The following SH2D4A variants were observed in gnomAD, a reference collection of about 807,000 sequenced individuals.
The protein encoded by SH2D4A is SH2 domain containing 4A.
SH2D4A carries 70 observed loss-of-function variants against 64.7 expected under a neutral mutation model. The observed-to-expected ratio is 1.08, with a 90% CI of 0.89 to 1.32. The LOEUF (loss-of-function observed/expected upper bound fraction) is 1.32. Ranked by LOEUF, SH2D4A falls within the 40% of genes most tolerant of loss-of-function variation. The pLI is 0.00. For missense variants in SH2D4A, 706 were observed against 540.1 expected (o/e 1.31, Z -3.04); for synonymous variants, 268 against 200.7 (o/e 1.34, Z -2.83).
intron 8 of SH2D4A, among the ~76,000 whole-genome samples, chr8:19,374,736 T>C (rs1009452854): frequency 1.3e-5 from 2 of 152,090 alleles, no homozygotes; most frequent in African/African-American, 4.8e-5. Flanking sequence ...TCCCCTCTCC[T>C]TCCCAGGATG....
intron 8 of SH2D4A, among the ~76,000 whole-genome samples, chr8:19,384,290 G>C (rs1464886591): frequency 6.6e-6 from 1 of 152,188 alleles, no homozygotes; most frequent in Non-Finnish European, 1.5e-5. Flanking sequence ...TGCAGGTTAA[G>C]GTTGAGCTTG....
chr8:19,378,143 T>G (rs2053227906), intron 8 of SH2D4A, among the ~76,000 whole-genome samples: 1 of 152,210 alleles, frequency 6.6e-6, no homozygotes, highest in Non-Finnish European at 1.5e-5. Flanking sequence ...TTTTTTATAT[T>G]GACCTATAGG....
chr8:19,317,302 C>CTTTTT (rs2052104753), intron 1 of SH2D4A, among the ~76,000 whole-genome samples: 1 of 121,054 alleles, frequency 8.3e-6, no homozygotes, highest in African/African-American at 3.4e-5. Context: ...ACAAGACATC[C>CTTTTT]ATTTTTTTTT....
chr8:19,341,954 G>A (rs1195755614), intron 4 of SH2D4A, among the ~76,000 whole-genome samples: 10 of 152,032 alleles, frequency 6.6e-5, no homozygotes, highest in South Asian at 6.2e-4. Flanking sequence ...AAAATCTCCC[G>A]AGGGCTGTGG....
At chr8:19,351,156 A>C (rs549688405) in intron 4 of SH2D4A, among the ~76,000 whole-genome samples, 1 of 152,344 alleles carries the variant, frequency 6.6e-6, no homozygotes, top group African/African-American at 2.4e-5. Flanking sequence ...TCAGAAACTT[A>C]ATATTATAGT....
At chr8:19,334,596 T>C (rs768689950) in intron 3 of SH2D4A, 90 bp from the exon 4 acceptor site, 3 of 1,412,912 alleles carry the variant, frequency 2.1e-6, no homozygotes, top group Non-Finnish European at 2.9e-6. Context: ...GTTACTGTTT[T>C]TCACATAATT....
intron 2 of SH2D4A, among the ~76,000 whole-genome samples, chr8:19,329,352 C>G (rs186806535): frequency 1.3e-5 from 2 of 152,190 alleles, no homozygotes; most frequent in East Asian, 3.9e-4. Context: ...TTTAAGCATT[C>G]CCATAGCATC....
At chr8:19,376,386 C>A (rs2053195818) in intron 8 of SH2D4A, among the ~76,000 whole-genome samples, 1 of 152,130 alleles carries the variant, frequency 6.6e-6, no homozygotes, top group African/African-American at 2.4e-5. Context: ...CTTTGGAAGG[C>A]CGAGGCAGGC....
chr8:19,324,253 C>G (rs1376869746), intron 2 of SH2D4A, among the ~76,000 whole-genome samples: 1 of 152,132 alleles, frequency 6.6e-6, no homozygotes, highest in African/African-American at 2.4e-5. Context: ...TGATGGAAAC[C>G]TAATGCAATG....
chr8:19,351,802 G>T (rs2052709147), intron 4 of SH2D4A, among the ~76,000 whole-genome samples: 1 of 151,968 alleles, frequency 6.6e-6, no homozygotes, highest in Admixed American at 6.6e-5. Flanking sequence ...TTATTATTTT[G>T]AGATGGAGTC....
chr8:19,314,471 C>G (rs1033539552), intron 1 of SH2D4A, among the ~76,000 whole-genome samples: 13 of 152,110 alleles, frequency 8.5e-5, no homozygotes, highest in African/African-American at 3.1e-4. Flanking sequence ...GGCCCAGACC[C>G]AGACCGGGTG....
intron 5 of SH2D4A, among the ~76,000 whole-genome samples, chr8:19,359,623 C>G (rs1270720119): frequency 1.3e-5 from 2 of 151,708 alleles, no homozygotes; most frequent in African/African-American, 4.9e-5. Context: ...TTTCAAACAT[C>G]AAAGCTGTCC....
At chr8:19,365,678 T>C (rs1028468977) in intron 7 of SH2D4A, among the ~76,000 whole-genome samples, 4 of 152,150 alleles carry the variant, frequency 2.6e-5, no homozygotes, top group African/African-American at 7.2e-5. Context: ...CTGTGCTCAG[T>C]TAGCTCATTT....
At chr8:19,386,541 A>C (rs1014214406) in intron 8 of SH2D4A, among the ~76,000 whole-genome samples, 1 of 152,052 alleles carries the variant, frequency 6.6e-6, no homozygotes, top group Non-Finnish European at 1.5e-5. Flanking sequence ...CGGGAGCCCC[A>C]AGCTTCCCAC....
In SH2D4A at chr8:19,369,702, A is replaced by G. The variant is rs1049273912; in HGVS notation, c.918-3828A>G. 4.6e-5 allele frequency among the ~76,000 whole-genome samples: 7 copies of G among 151,644 alleles called. No individual in the cohort carries two copies. The East Asian group carries it at 1.2e-3, about 25-fold the overall frequency. On this transcript the variant is annotated intron_variant, in intron 7 of 9. Coordinates refer to ENST00000265807, the MANE Select transcript of SH2D4A (RefSeq NM_022071.4). The stretch of plus-strand genomic sequence containing the variant: ...TGTCTCCTTTTTCATCTCTGATTTT[A>G]TTTATTTGAGTCATCTCTTTTTCTT...
chr8:19,365,198 G>A (rs1277326209), intron 7 of SH2D4A, among the ~76,000 whole-genome samples: 1 of 152,190 alleles, frequency 6.6e-6, no homozygotes, highest in Non-Finnish European at 1.5e-5. Flanking sequence ...TTAAACAGGA[G>A]TGATGACCTC....
In SH2D4A at chr8:19,367,033, TCTC is replaced by T. The variant is rs556098584; in HGVS notation, c.917+2754_917+2756del. Among the ~76,000 whole-genome samples the T allele has an allele frequency of 5.9e-5, 9 of 152,306 alleles. No individual in the cohort carries two copies. In the East Asian group the frequency reaches 1.7e-3, roughly 29 times the overall value. ...ATTCCTACCATCAGGCAATGAGAGTTCTCCTTTCTCCAGATTCTCACCAGCAAT... is the reference window on the plus strand; with the variant it reads ...ATTCCTACCATCAGGCAATGAGAGTTCTTTCTCCAGATTCTCACCAGCAAT... On this transcript the variant is annotated intron_variant, in intron 7 of 9. Transcript: ENST00000265807.
At chr8:19,360,381 G>A (rs1051281271) in intron 5 of SH2D4A, among the ~76,000 whole-genome samples, 1 of 151,146 alleles carries the variant, frequency 6.6e-6, no homozygotes, top group Admixed American at 6.6e-5. Flanking sequence ...TTGGGAGGCT[G>A]AGGCAGTGGA....
intron 8 of SH2D4A, among the ~76,000 whole-genome samples, chr8:19,377,294 A>T (rs575725629): frequency 6.6e-6 from 1 of 152,232 alleles, no homozygotes; most frequent in Non-Finnish European, 1.5e-5. Context: ...AGGCAGGAGA[A>T]TTGCTTGAAC....
Sources: gnomAD v4.1 joint callset for allele counts (sites outside exome capture counted in the v4.1 genomes callset) on GRCh38, gnomAD v4.1.1 for gene constraint, MANE v1.5 for transcripts, NCBI Gene and HGNC (gene_info 2026-07-23, HGNC 2026-07-21) for gene names.